The following IGSF11 variants were observed in gnomAD, a reference collection of about 807,000 sequenced individuals.
The protein encoded by IGSF11 is immunoglobulin superfamily member 11.
IGSF11 carries 22 observed loss-of-function variants against 41.0 expected under a neutral mutation model. That is an observed-to-expected ratio of 0.54 (90% CI 0.38 to 0.77). The LOEUF is 0.77. IGSF11 is among the 30% of genes least tolerant of loss of function. The pLI, the probability that IGSF11 is intolerant of heterozygous loss-of-function variation, is 0.00. For synonymous variants in IGSF11, 219 were observed against 201.3 expected (o/e 1.09, Z -0.74); for missense variants, 444 against 530.8 (o/e 0.84, Z 1.61).
At chr3:118,917,363 AG>A (rs1306582969) in intron 4 of IGSF11, among the ~76,000 whole-genome samples, 1 of 150,472 alleles carries the variant, frequency 6.6e-6, no homozygotes, top group African/African-American at 2.5e-5. Flanking sequence ...ACCACTAGCA[AG>A]ACTAATAAAG....
chr3:119,047,824 G>T (rs1364935393), intron 1 of IGSF11, among the ~76,000 whole-genome samples: 1 of 151,972 alleles, frequency 6.6e-6, no homozygotes, highest in Middle Eastern at 3.4e-3. Context: ...AATCAAACTA[G>T]AACTCAGGAT....
Position 118,901,255 on chromosome 3 carries a change from G to A in IGSF11, c.*1265C>T, listed in dbSNP as rs1490696379. The A allele has an allele frequency of 1.3e-5, 2 of 152,156 alleles. No homozygotes were observed. Among genetic ancestry groups the A allele is most frequent in the Non-Finnish European group, 2.9e-5 (2 of 68,050 alleles). 9.4% of individuals were successfully genotyped at this position (152,156 alleles called of 1,614,324 possible). ...TGAACCGCAAGGCCAGCCAAGCCAG[G>A]TAGTAACCACAAAAGTAATCTCTTT... On this transcript the variant is annotated 3_prime_UTR_variant, in exon 7 of 7. Coordinates refer to ENST00000393775, the MANE Select transcript of IGSF11 (RefSeq NM_001015887.3).
At chr3:119,121,301 G>A (rs1224978057) in intron 1 of IGSF11, among the ~76,000 whole-genome samples, 1 of 152,120 alleles carries the variant, frequency 6.6e-6, no homozygotes, top group African/African-American at 2.4e-5. Context: ...AAGGAACCAT[G>A]AGTAAAGAGC....
At chr3:118,904,098 T>C (rs1380494314) in intron 6 of IGSF11, among the ~76,000 whole-genome samples, 1 of 152,184 alleles carries the variant, frequency 6.6e-6, no homozygotes, top group Non-Finnish European at 1.5e-5. Flanking sequence ...TCAATAAAGA[T>C]ATGCCATGAT....
At chr3:119,015,484 G>A (rs1307511434) in intron 1 of IGSF11, among the ~76,000 whole-genome samples, 2 of 152,102 alleles carry the variant, frequency 1.3e-5, no homozygotes, top group African/African-American at 4.8e-5. Flanking sequence ...TATTTACCAC[G>A]ACTTAAGGAC....
upstream of IGSF11, among the ~76,000 whole-genome samples, chr3:119,036,744 A>G (rs1018417842): frequency 3.3e-5 from 5 of 152,140 alleles, no homozygotes; most frequent in Non-Finnish European, 7.4e-5. Context: ...CCAATTGCAT[A>G]TGGGCTATAT....
chr3:119,094,011 T>C (rs1455258692), intron 1 of IGSF11, among the ~76,000 whole-genome samples: 3 of 151,946 alleles, frequency 2.0e-5, no homozygotes, highest in African/African-American at 7.2e-5. Context: ...TAAGAGATTT[T>C]AAGAGACATT....
intron 1 of IGSF11, among the ~76,000 whole-genome samples, chr3:119,129,150 G>A (rs2077443205): frequency 6.6e-6 from 1 of 152,038 alleles, no homozygotes; most frequent in Non-Finnish European, 1.5e-5. Context: ...ACAACACCAG[G>A]GCCTGTTGTG....
At chr3:118,981,470 T>C (rs891600822) in intron 1 of IGSF11, among the ~76,000 whole-genome samples, 2 of 152,128 alleles carry the variant, frequency 1.3e-5, no homozygotes, top group Non-Finnish European at 2.9e-5. Context: ...GCTTTTGGCA[T>C]TCATTTTAAA....
intron 1 of IGSF11, among the ~76,000 whole-genome samples, chr3:118,980,840 T>A (rs184875236): frequency 6.6e-6 from 1 of 152,252 alleles, no homozygotes; most frequent in Admixed American, 6.5e-5. Flanking sequence ...AATATTTGAT[T>A]TGTATTTTTT....
At chr3:119,083,431 C>T (rs889887449) in intron 1 of IGSF11, among the ~76,000 whole-genome samples, 1 of 151,796 alleles carries the variant, frequency 6.6e-6, no homozygotes, top group African/African-American at 2.4e-5. Flanking sequence ...AGTTTATTCC[C>T]ACCTCCTTTC....
chr3:119,023,149 C>T (rs1317084740), intron 1 of IGSF11, among the ~76,000 whole-genome samples: 1 of 151,426 alleles, frequency 6.6e-6, no homozygotes, highest in African/African-American at 2.4e-5. Flanking sequence ...GTAATCCCAG[C>T]TACTCGGAAG....
intron 1 of IGSF11, among the ~76,000 whole-genome samples, chr3:119,054,654 A>G (rs1398006684): frequency 6.6e-6 from 1 of 152,260 alleles, no homozygotes; most frequent in Non-Finnish European, 1.5e-5. Flanking sequence ...TAGAATTACC[A>G]TTTGATGCAG....
At chr3:118,914,988 AG>A (rs1426657717) in intron 4 of IGSF11, among the ~76,000 whole-genome samples, 3 of 142,974 alleles carry the variant, frequency 2.1e-5, no homozygotes, top group Non-Finnish European at 4.5e-5. Context: ...ACCCCCCAGC[AG>A]GGGCACAGTG....
At chr3:119,076,410 T>C (rs1231906233) in intron 1 of IGSF11, among the ~76,000 whole-genome samples, 1 of 152,074 alleles carries the variant, frequency 6.6e-6, no homozygotes, top group Non-Finnish European at 1.5e-5. Context: ...AATTGACAAA[T>C]GGGATCTAAT....
At chr3:118,922,264 T>C (rs2107518021) in intron 4 of IGSF11, among the ~76,000 whole-genome samples, 1 of 152,304 alleles carries the variant, frequency 6.6e-6, no homozygotes, top group African/African-American at 2.4e-5. Flanking sequence ...GCAATTGTTT[T>C]TCTTTCTTCC....
chr3:119,000,464 T>C (rs1346347858), intron 1 of IGSF11, among the ~76,000 whole-genome samples: 1 of 151,790 alleles, frequency 6.6e-6, no homozygotes, highest in Non-Finnish European at 1.5e-5. Context: ...TTCTATCGTA[T>C]TTAATGGCAA....
At chr3:118,955,927 T>C (rs1317339612) in intron 1 of IGSF11, among the ~76,000 whole-genome samples, 1 of 152,222 alleles carries the variant, frequency 6.6e-6, no homozygotes, top group Non-Finnish European at 1.5e-5. Context: ...AACAGAAGGC[T>C]GTTTTTCATC....
intron 1 of IGSF11, among the ~76,000 whole-genome samples, chr3:118,998,356 C>G (rs964248645): frequency 1.3e-5 from 2 of 152,052 alleles, no homozygotes; most frequent in Non-Finnish European, 2.9e-5. Context: ...CAATAAGGAA[C>G]ATAAATGTTA....
Sources: gnomAD v4.1 joint callset for allele counts (sites outside exome capture counted in the v4.1 genomes callset) on GRCh38, gnomAD v4.1.1 for gene constraint, MANE v1.5 for transcripts, NCBI Gene and HGNC (gene_info 2026-07-23, HGNC 2026-07-21) for gene names.